AGL: variants seen among roughly 807,000 people sequenced by gnomAD.
AGL encodes the protein amylo-alpha-1,6-glucosidase and 4-alpha-glucanotransferase, also known as glycogen debranching enzyme.
In AGL, 128 loss-of-function variants were observed where a neutral mutation model predicts 199.3. The ratio of observed to expected loss-of-function variants is 0.64; its 90% CI spans 0.56 to 0.74. AGL has a LOEUF of 0.74. Among genes scored for constraint, AGL ranks in the 30% least tolerant of loss-of-function variants. The probability of loss-of-function intolerance (pLI) is 0.00; values close to 1 mark genes in which losing one functional copy is unlikely to be tolerated. For synonymous variants in AGL, 584 were observed against 594.7 expected, an observed-to-expected ratio of 0.98 and a Z score of 0.26; for missense variants, 1,809 against 1,820.8, an observed-to-expected ratio of 0.99 and a Z score of 0.12.
intron 2 of AGL, among the ~76,000 whole-genome samples, chr1:99,857,854 A>ACCGTGGGGAGGGGG (rs1649691324): frequency 1.8e-5 from 2 of 110,646 alleles, no homozygotes; most frequent in South Asian, 3.4e-4. Flanking sequence ...GGGAGGGGGG[A>ACCGTGGGGAGGGGG]AGAGGGAGAG....
intron 27 of AGL, among the ~76,000 whole-genome samples, chr1:99,906,447 A>G (rs943088755): frequency 6.6e-6 from 1 of 152,192 alleles, no homozygotes; most frequent in Non-Finnish European, 1.5e-5. Context: ...AGTGTTAAGT[A>G]TATTAACATT....
At chr1:99,894,032 T>A (rs1419854323) in intron 24 of AGL, among the ~76,000 whole-genome samples, 1 of 151,060 alleles carries the variant, frequency 6.6e-6, no homozygotes, top group Non-Finnish European at 1.5e-5. Flanking sequence ...AAAAAAAAAA[T>A]TAAAAATTAG....
chr1:99,881,326 A>G lies in AGL; in HGVS notation c.2036A>G (p.Lys679Arg). Residue 679 changes from lysine (K) to arginine (R), a missense_variant, in exon 16 of 34, where the codon AAG becomes AGG. Physicochemically the swap from Lys to Arg is conservative, Grantham distance 26. Coordinates refer to ENST00000361915, the MANE Select transcript of AGL (RefSeq NM_000642.3). ...GTTTCTGAAGAACGGTTTTACACTA[A>G]GTGGAATCCTGAAGCATTGCCTTCA... ...SVVSEERFYT[K>R]WNPEALPSNT... is the part of the protein sequence containing the mutation. 6.2e-7 allele frequency: 1 copy of G among 1,614,152 alleles called. No individual in the cohort carries two copies. The highest frequency in any genetic ancestry group is 8.5e-7 in the Non-Finnish European group (1 of 1,180,008).
chr1:99,875,190 G>A lies in AGL; in HGVS notation c.1119G>A (p.Trp373Ter). Residue 373 changes from tryptophan to a stop codon, truncating the protein, a stop_gained, in exon 9 of 34, where the codon TGG becomes TGA. Transcript: ENST00000361915. LOFTEE classifies it high-confidence loss of function. The stretch of plus-strand genomic sequence containing the variant: ...CAGCAATTGAAGAATGCTGTAATTG[G>A]TTTCATAAAAGAATGGAGGAATTAA... The part of the protein sequence containing the change: ...GPAAIEECCN[W>*]FHKRMEELNS... 1 of 1,614,136 alleles carries A rather than the reference G, an allele frequency of 6.2e-7. No homozygotes were observed.
chr1:99,900,905 T>TC (rs2100819245), intron 26 of AGL, 44 bp downstream of exon 26: 3 of 1,386,204 alleles, frequency 2.2e-6, no homozygotes, highest in Non-Finnish European at 3.0e-6. Context: ...TTTTTTTTTT[T>TC]CTGAAAAATG....
intron 24 of AGL, among the ~76,000 whole-genome samples, chr1:99,893,866 ATGTC>A (rs1317075286): frequency 6.6e-5 from 10 of 152,158 alleles, no homozygotes; most frequent in Admixed American, 5.9e-4. Context: ...CTGATTGGGG[ATGTC>A]TTCCTTTGGT....
At chr1:99,901,622 C>T (rs1276127979) in intron 26 of AGL, among the ~76,000 whole-genome samples, 3 of 151,816 alleles carry the variant, frequency 2.0e-5, no homozygotes, top group Admixed American at 1.3e-4. Context: ...ATCCAGGGAG[C>T]TTAAAGATTA....
rs538916479 is a variant in AGL, at chr1:99,877,641, G to T, written c.1424G>T (p.Gly475Val). The T allele has an allele frequency of 1.4e-5, 22 of 1,613,782 alleles. No individual in the cohort carries two copies. The African/African-American group carries it at 2.5e-4, about 19-fold the overall frequency. ...TGAAAGCAATCTCTTTTCTGAACAG[G>T]TTCAGAAGTTTACCTAAGGAGAGAA... The part of the protein sequence containing the change: ...DDPLRNFAEP[G>V]SEVYLRRELI... Residue 475 changes from glycine to valine, a missense_variant and splice_region_variant, in exon 12 of 34, where the codon GGT becomes GTT. Physicochemically the swap from Gly to Val is moderately radical, Grantham distance 109. Coordinates refer to ENST00000361915, the MANE Select transcript of AGL (RefSeq NM_000642.3).
At chr1:99,875,321 G>A in intron 9 of AGL, 37 bp from the exon 10 acceptor site, 1 of 1,613,048 alleles carries the variant, frequency 6.2e-7, no homozygotes, top group Non-Finnish European at 8.5e-7. Flanking sequence ...GTTGTCTTGA[G>A]GATGGTGATG....
At chr1:99,882,731 A>G (rs991299841) in intron 17 of AGL, among the ~76,000 whole-genome samples, 2 of 152,150 alleles carry the variant, frequency 1.3e-5, no homozygotes, top group African/African-American at 4.8e-5. Flanking sequence ...TTACTATTAT[A>G]TGTGGCATAT....
chr1:99,905,611 T>C (rs1403244879), intron 27 of AGL, among the ~76,000 whole-genome samples: 1 of 152,208 alleles, frequency 6.6e-6, no homozygotes, highest in Non-Finnish European at 1.5e-5. Flanking sequence ...GGTCCCACTC[T>C]GTCACTGAGA....
Position 99,880,661 on chromosome 1 carries a change from G to T in AGL, c.1765G>T (p.Glu589Ter). The part of the protein sequence containing the change: ...EAMSAYNSHE[E>*]GRLVYRYGGE... ...AATGAGTGCATATAATAGTCATGAA[G>T]AGGGCAGATTAGTTTACCGATATGG... Residue 589 changes from glutamate to a stop codon, truncating the protein, a stop_gained, in exon 14 of 34, where the codon GAG (glutamate) becomes TAG (stop). Transcript: ENST00000361915. LOFTEE classifies it high-confidence loss of function. 6.2e-7 allele frequency: 1 copy of T among 1,614,028 alleles called. No individual in the cohort carries two copies. The highest frequency in any genetic ancestry group is 2.2e-5 in the East Asian group (1 of 44,852).
In AGL at chr1:99,891,830, T is replaced by C; in HGVS notation, c.3083+91T>C. Reference sequence around the variant, plus strand: ...TACATGTTCTTAAAAAACCAAACCATAAAGAATTGTCATAGAACTGAAAAG... The same window carrying C: ...TACATGTTCTTAAAAAACCAAACCACAAAGAATTGTCATAGAACTGAAAAG... On this transcript the variant is annotated intron_variant, in intron 23 of 33. Coordinates refer to ENST00000361915, the MANE Select transcript of AGL (RefSeq NM_000642.3). The C allele has an allele frequency of 4.1e-6, 6 of 1,456,836 alleles. No homozygotes were observed. The South Asian group carries it at 5.7e-5, about 14-fold the overall frequency. 90.2% of individuals were successfully genotyped at this position (1,456,836 alleles called of 1,614,324 possible). A position where few individuals can be genotyped will look rare whatever the true frequency, so the allele number is the denominator to read the frequency against.
chr1:99,862,744 AACTC>A (rs1227242922), intron 4 of AGL, among the ~76,000 whole-genome samples: 2 of 152,072 alleles, frequency 1.3e-5, no homozygotes, highest in Admixed American at 6.5e-5. Flanking sequence ...ATCTTGTGAA[AACTC>A]ACTCACTATC....
intron 23 of AGL, among the ~76,000 whole-genome samples, chr1:99,892,106 C>A (rs1370541769): frequency 6.6e-6 from 1 of 151,990 alleles, no homozygotes; most frequent in African/African-American, 2.4e-5. Flanking sequence ...ATGAAATTTG[C>A]CTTTAATGAT....
intron 10 of AGL, among the ~76,000 whole-genome samples, chr1:99,875,808 T>C (rs1478045206): frequency 6.7e-6 from 1 of 148,434 alleles, no homozygotes; most frequent in Non-Finnish European, 1.5e-5. Context: ...TAAAAGCCTT[T>C]GCATATCTTT....
intron 33 of AGL, 108 bp downstream of exon 33, chr1:99,916,839 C>T (rs1275195079): frequency 1.6e-6 from 2 of 1,220,796 alleles, no homozygotes; most frequent in African/African-American, 1.5e-5. Flanking sequence ...CCTAGGTATC[C>T]CAATGAAAAG....
At chr1:99,916,801 C>T (rs113391465) in intron 33 of AGL, 70 bp downstream of exon 33, 3 of 1,539,250 alleles carry the variant, frequency 1.9e-6, no homozygotes, top group Admixed American at 1.7e-5. Flanking sequence ...AGGTAAATTA[C>T]AGTTTCTTAG....
intron 2 of AGL, among the ~76,000 whole-genome samples, chr1:99,858,892 A>T (rs963139830): frequency 6.6e-6 from 1 of 151,922 alleles, no homozygotes; most frequent in African/African-American, 2.4e-5. Flanking sequence ...TTTATAATTT[A>T]CATAATCTAT....
Sources: gnomAD v4.1 joint callset for allele counts (sites outside exome capture counted in the v4.1 genomes callset) on GRCh38, gnomAD v4.1.1 for gene constraint, MANE v1.5 for transcripts, NCBI Gene and HGNC (gene_info 2026-07-23, HGNC 2026-07-21) for gene names.